Variants in SNX5 observed in about 807,000 individuals in gnomAD.
SNX5 encodes the protein sorting nexin 5.
SNX5 carries 31 observed loss-of-function variants against 53.9 expected under a neutral mutation model. The ratio of observed to expected loss-of-function variants is 0.58; its 90% CI spans 0.43 to 0.78. The LOEUF is 0.78. Ranked by LOEUF, SNX5 falls within the 30% of genes least tolerant of loss-of-function variation. The probability of loss-of-function intolerance (pLI) is 0.00; values close to 1 mark genes in which losing one functional copy is unlikely to be tolerated. For synonymous variants in SNX5, 168 were observed against 171.1 expected, an observed-to-expected ratio of 0.98 and a Z score of 0.14; for missense variants, 471 against 478.8, an observed-to-expected ratio of 0.98 and a Z score of 0.15.
At chr20:17,952,260 C>T (rs1600340571) in intron 5 of SNX5, among the ~76,000 whole-genome samples, 1 of 151,956 alleles carries the variant, frequency 6.6e-6, no homozygotes. Context: ...CAACAAAAAG[C>T]GTAGGTGGGA....
chr20:17,965,938 C>A (rs2035529793), intron 1 of SNX5, among the ~76,000 whole-genome samples: 2 of 152,052 alleles, frequency 1.3e-5, no homozygotes, highest in Admixed American at 1.3e-4. Context: ...TGTTCCTATA[C>A]TAACCAACTG....
chr20:17,966,308 C>T (rs1254185490), intron 1 of SNX5, among the ~76,000 whole-genome samples: 2 of 151,862 alleles, frequency 1.3e-5, no homozygotes, highest in Non-Finnish European at 2.9e-5. Context: ...TCGCTTGAAC[C>T]CAGAAAGCGG....
intron 1 of SNX5, chr20:17,961,534 A>T (rs2035449145): frequency 1.0e-6 from 1 of 985,138 alleles, no homozygotes. Flanking sequence ...ATTTGTATAC[A>T]ATGTAAGACA....
intron 1 of SNX5, among the ~76,000 whole-genome samples, chr20:17,966,220 C>CACAAAAAT (rs1395008838): frequency 2.0e-5 from 3 of 151,916 alleles, no homozygotes; most frequent in African/African-American, 7.3e-5. Context: ...ACCCGGTCTC[C>CACAAAAAT]ACAAAAATAC....
intron 11 of SNX5, chr20:17,947,271 T>G (rs1326697731): frequency 1.9e-6 from 1 of 521,436 alleles, no homozygotes; most frequent in Non-Finnish European, 3.4e-6. Context: ...CATATGCAAC[T>G]TAATCTCCAA....
chr20:17,955,076 T>C lies in SNX5; in HGVS notation c.267+289A>G, dbSNP rs142525487. The stretch of plus-strand genomic sequence containing the variant: ...TTCCTAGAAATCAATTCTACTGACA[T>C]AGGAAAAAACATACCAGAGAAAAAC... On this transcript the variant is annotated intron_variant, in intron 3 of 12. Coordinates refer to ENST00000377759, the MANE Select transcript of SNX5 (RefSeq NM_014426.4). Among the ~76,000 whole-genome samples the C allele has an allele frequency of 5.4e-3, 818 of 152,184 alleles. 23 individuals are homozygous for C. The highest frequency in any genetic ancestry group is 0.043 in the Admixed American group (652 of 15,288).
At chr20:17,956,588 T>C (rs535130921) in intron 2 of SNX5, among the ~76,000 whole-genome samples, 28 of 144,794 alleles carry the variant, frequency 1.9e-4, no homozygotes, top group African/African-American at 5.8e-4. Flanking sequence ...GGCAGGAGAA[T>C]TGCTTGAACC....
chr20:17,962,134 G>A (rs528254675), intron 1 of SNX5: 1 of 261,504 alleles, frequency 3.8e-6, no homozygotes, highest in African/African-American at 2.3e-5. Flanking sequence ...CTCAGCTTTA[G>A]ATTATGGCAC....
In SNX5 at chr20:17,968,471, G is replaced by A. The variant is rs1337406431; in HGVS notation, c.-46C>T. ...GGGGCCGCCTGGCTGTGCGAGGAAAGAAGAAGCTGGGCCGCCGCCGCCGCC... is the reference window on the plus strand; with the variant it reads ...GGGGCCGCCTGGCTGTGCGAGGAAAAAAGAAGCTGGGCCGCCGCCGCCGCC... On this transcript the variant is annotated 5_prime_UTR_variant, in exon 1 of 13. Coordinates refer to ENST00000377759, the MANE Select transcript of SNX5 (RefSeq NM_014426.4). The A allele has an allele frequency of 1.6e-6, 2 of 1,269,166 alleles. No homozygotes were observed. The highest frequency in any genetic ancestry group is 2.0e-6 in the Non-Finnish European group (2 of 1,000,528). 78.6% of individuals were successfully genotyped at this position (1,269,166 alleles called of 1,614,324 possible).
Position 17,959,464 on chromosome 20 carries a change from G to C in SNX5, c.52-2427C>G, listed in dbSNP as rs1232215025. ...AACCACAGCATATCAAACATCCGAG[G>C]TTCACTAGCAGCCATTTTGCCCAGA... On this transcript the variant is annotated intron_variant, in intron 1 of 12. Transcript: ENST00000377759. Among the ~76,000 whole-genome samples the C allele has an allele frequency of 4.4e-5, 3 of 68,196 alleles. No homozygotes were observed. In the Admixed American group the frequency reaches 5.6e-4, roughly 13 times the overall value. The allele number at this position is 68,196 out of a possible 152,430, so 44.7% of individuals were successfully genotyped here.
rs187274902 is a variant in SNX5, at chr20:17,963,817, C to T, written c.51+4558G>A. On this transcript the variant is annotated intron_variant, in intron 1 of 12. Coordinates refer to ENST00000377759, the MANE Select transcript of SNX5 (RefSeq NM_014426.4). ...GATTCAGCAACAGTGGTAGAGCTGCCTGTTTGAACTTAACCTTGGTCATCT... is the reference window on the plus strand; with the variant it reads ...GATTCAGCAACAGTGGTAGAGCTGCTTGTTTGAACTTAACCTTGGTCATCT... Among the ~76,000 whole-genome samples, 7 of 152,308 alleles carry T rather than the reference C, an allele frequency of 4.6e-5. No homozygotes were observed. The East Asian group carries it at 1.4e-3, about 29-fold the overall frequency.
chr20:17,961,860 A>C (rs2035457294), intron 1 of SNX5: 2 of 985,364 alleles, frequency 2.0e-6, no homozygotes, highest in Non-Finnish European at 2.4e-6. Flanking sequence ...CTCCTTGATC[A>C]GATTTTCAGC....
chr20:17,950,025 G>A (rs1568589876), intron 8 of SNX5, 107 bp downstream of exon 8: 1 of 893,558 alleles, frequency 1.1e-6, no homozygotes, highest in Non-Finnish European at 1.8e-6. Flanking sequence ...TACTGAGCTT[G>A]TAACTCCAGA....
At position 17,952,614 on chromosome 20, in the gene SNX5, A is replaced by C; in HGVS notation, c.486T>G (p.Phe162Leu). 6.2e-7 allele frequency: 1 copy of C among 1,614,004 alleles called. No individual in the cohort carries two copies. Among genetic ancestry groups the C allele is most frequent in the African/African-American group, 1.3e-5 (1 of 75,050 alleles). The change falls in exon 5 of 13, where the codon TTT becomes TTG. Residue 162 changes from phenylalanine (F) to leucine (L), a missense_variant. Physicochemically the swap from Phe to Leu is conservative, Grantham distance 22. Transcript: ENST00000377759. ...SHPVLSKDRNFHVFLEYDQDL... is the reference protein window; with the variant it reads ...SHPVLSKDRNLHVFLEYDQDL... ...CCTGATCATATTCCAGGAAAACATG[A>C]AAGTTGCGATCTTTACTGAGAACAG...
chr20:17,948,754 A>G, intron 10 of SNX5, 136 bp downstream of exon 10: 2 of 688,408 alleles, frequency 2.9e-6, no homozygotes, highest in South Asian at 1.8e-5. Context: ...AGCTTTATGG[A>G]TACAATGCCA....
chr20:17,968,410 C>T lies in SNX5; in HGVS notation c.16G>A (p.Glu6Lys). The change falls in exon 1 of 13, where the codon GAG becomes AAG. Residue 6 changes from glutamate (E) to lysine (K), a missense_variant. By Grantham distance (56) the Glu-to-Lys change is moderately conservative. Coordinates refer to ENST00000377759, the MANE Select transcript of SNX5 (RefSeq NM_014426.4). ...TCCTCCTCCTGCTGCTGCAGCAACT[C>T]GGGAACCGCGGCCATGGCGACGCGG... is the stretch of plus-strand genomic sequence containing the variant. MAAVP[E>K]LLQQQEEDRS... The T allele has an allele frequency of 1.6e-6, 2 of 1,289,400 alleles. No homozygotes were observed. The highest frequency in any genetic ancestry group is 1.5e-5 in the African/African-American group (1 of 64,712). 79.9% of individuals were successfully genotyped at this position (1,289,400 alleles called of 1,614,324 possible). A position where few individuals can be genotyped will look rare whatever the true frequency, so the allele number is the denominator to read the frequency against.
At chr20:17,964,289 A>C (rs950592075) in intron 1 of SNX5, among the ~76,000 whole-genome samples, 2 of 152,088 alleles carry the variant, frequency 1.3e-5, no homozygotes, top group Non-Finnish European at 2.9e-5. Context: ...TAGAATGCTT[A>C]GGAGTGTGCC....
intron 1 of SNX5, among the ~76,000 whole-genome samples, chr20:17,966,261 T>G (rs2035535205): frequency 6.6e-6 from 1 of 152,028 alleles, no homozygotes; most frequent in South Asian, 2.1e-4. Flanking sequence ...GGTGAGCGAC[T>G]GTAATCCCAG....
intron 3 of SNX5, 73 bp downstream of exon 3, chr20:17,955,292 A>C: frequency 9.7e-7 from 1 of 1,028,524 alleles, no homozygotes; most frequent in South Asian, 1.4e-5. Flanking sequence ...AAAAAAGTGG[A>C]TATAAGTCTC....
Sources: allele counts gnomAD v4.1 joint callset (sites outside exome capture counted in the v4.1 genomes callset), GRCh38; gene constraint gnomAD v4.1.1; transcripts MANE v1.5; gene names NCBI Gene and HGNC (gene_info 2026-07-23, HGNC 2026-07-21).